Variants in ERI1 observed in about 807,000 individuals in gnomAD.
ERI1 encodes the protein exoribonuclease 1.
In ERI1, 39 loss-of-function variants were observed where a neutral mutation model predicts 39.7. The observed-to-expected ratio is 0.98, with a 90% CI of 0.76 to 1.28. The LOEUF (loss-of-function observed/expected upper bound fraction) is 1.28, where lower values mean the gene tolerates loss of function less well. Ranked by LOEUF, ERI1 falls within the 50% of genes most tolerant of loss-of-function variation. ERI1 has a pLI of 0.00. For missense variants in ERI1, 581 were observed against 416.9 expected (o/e 1.39, Z -3.43); for synonymous variants, 204 against 149.6 (o/e 1.36, Z -2.65).
chr8:9,017,156 CAGCCTCCCA>C (rs1817389010), intron 4 of ERI1, among the ~76,000 whole-genome samples: 1 of 152,170 alleles, frequency 6.6e-6, no homozygotes, highest in Non-Finnish European at 1.5e-5. Flanking sequence ...TCTCCTGCCT[CAGCCTCCCA>C]AGTAGCTGAG....
intron 1 of ERI1, among the ~76,000 whole-genome samples, chr8:9,003,766 A>G (rs1815637178): frequency 6.6e-6 from 1 of 152,250 alleles, no homozygotes; most frequent in African/African-American, 2.4e-5. Context: ...AAACTTATTT[A>G]ACGAATGTTA....
rs896320609 is a variant in ERI1, at chr8:9,032,847, C to G, written c.*2813C>G. 2 of 152,176 alleles carry G rather than the reference C, an allele frequency of 1.3e-5. No individual in the cohort carries two copies. Among genetic ancestry groups the G allele is most frequent in the African/African-American group, 4.8e-5 (2 of 41,442 alleles). 9.4% of individuals were successfully genotyped at this position (152,176 alleles called of 1,614,324 possible). On this transcript the variant is annotated 3_prime_UTR_variant, in exon 7 of 7. Coordinates refer to ENST00000250263, the MANE Select transcript of ERI1 (RefSeq NM_153332.4). ...TAGTTGCCAAAGAAACTACCTGCCT[C>G]ACAGATGAGCACGCACGGGTGCATT...
chr8:9,034,362 T>C (rs1482639104), downstream of ERI1, among the ~76,000 whole-genome samples: 7 of 152,228 alleles, frequency 4.6e-5, no homozygotes, highest in African/African-American at 1.7e-4. Flanking sequence ...TGTTTTGTTT[T>C]GTTTTTTAAC....
At position 9,004,485 on chromosome 8, in the gene ERI1, C is replaced by CTTTTTTTTTTT. The variant is rs71201904; in HGVS notation, c.108+1330_108+1340dup. 6.3e-4 allele frequency among the ~76,000 whole-genome samples: 49 copies of CTTTTTTTTTTT among 78,308 alleles called. 1 individual carries two copies. The highest frequency in any genetic ancestry group is 2.3e-3 in the African/African-American group (46 of 20,064). The allele number at this position is 78,308 out of a possible 152,430, so 51.4% of individuals were successfully genotyped here. A position where few individuals can be genotyped will look rare whatever the true frequency, so the allele number is the denominator to read the frequency against. ...CTGTTGCATGCTCTTTATAGTGATA[C>CTTTTTTTTTTT]TTTTTTTTTTTTTTTTTTTTTTTTT... On this transcript the variant is annotated intron_variant, in intron 1 of 6. Transcript: ENST00000250263.
chr8:9,058,815 T>A (rs892019870), intron 3 of ERI1, among the ~76,000 whole-genome samples: 17 of 150,086 alleles, frequency 1.1e-4, no homozygotes, highest in South Asian at 4.2e-4. Context: ...CCAAAAAAAA[T>A]AAATAAATAA....
intron 6 of ERI1, among the ~76,000 whole-genome samples, chr8:9,023,725 T>C (rs1818169309): frequency 6.6e-6 from 1 of 151,860 alleles, no homozygotes; most frequent in Non-Finnish European, 1.5e-5. Context: ...AAGTTTCTGC[T>C]GTATATAATG....
intron 3 of ERI1, among the ~76,000 whole-genome samples, chr8:9,083,955 G>A (rs7005811): frequency 0.05 from 7,554 of 152,096 alleles, 568 homozygotes; most frequent in African/African-American, 0.16. Flanking sequence ...CACCATGCCC[G>A]GCTAATTTTT....
At chr8:9,092,003 C>T (rs974756617) in intron 3 of ERI1, among the ~76,000 whole-genome samples, 11 of 152,242 alleles carry the variant, frequency 7.2e-5, no homozygotes, top group Non-Finnish European at 1.6e-4. Context: ...GTCACCCAGG[C>T]TGGAGTGCAG....
intron 3 of ERI1, among the ~76,000 whole-genome samples, chr8:9,090,887 G>T (rs985843466): frequency 6.6e-6 from 1 of 152,154 alleles, no homozygotes; most frequent in Non-Finnish European, 1.5e-5. Flanking sequence ...TCTGAGTGAT[G>T]AAATTTGGGG....
At chr8:9,028,254 A>G (rs1179060904) in intron 6 of ERI1, among the ~76,000 whole-genome samples, 4 of 152,206 alleles carry the variant, frequency 2.6e-5, no homozygotes, top group Admixed American at 6.5e-5. Flanking sequence ...CTTCCTAGGT[A>G]TAGGTCTATT....
intron 2 of ERI1, among the ~76,000 whole-genome samples, chr8:9,010,736 T>G (rs1021886664): frequency 1.3e-5 from 2 of 152,188 alleles, no homozygotes; most frequent in Non-Finnish European, 2.9e-5. Context: ...TGCAACTTAA[T>G]TTTTTGGAAA....
At chr8:9,047,880 C>T (rs146376386) in intron 3 of ERI1, among the ~76,000 whole-genome samples, 15 of 152,232 alleles carry the variant, frequency 9.9e-5, no homozygotes, top group African/African-American at 1.7e-4. Context: ...AGTGCACACA[C>T]GCCCACCAGG....
At chr8:9,026,906 C>G (rs962114449) in intron 6 of ERI1, among the ~76,000 whole-genome samples, 3 of 152,006 alleles carry the variant, frequency 2.0e-5, no homozygotes, top group Non-Finnish European at 4.4e-5. Flanking sequence ...TAAGTTACTT[C>G]CATGTTTTGG....
At chr8:9,049,719 T>A (rs900718526) in intron 3 of ERI1, 3 of 152,120 alleles carry the variant, frequency 2.0e-5, no homozygotes, top group African/African-American at 7.2e-5. Flanking sequence ...AGTATCAGAA[T>A]ACTAGGCATC....
At position 9,011,958 on chromosome 8, in the gene ERI1, C is replaced by T. The variant is rs113791596; in HGVS notation, c.498+206C>T. Among the ~76,000 whole-genome samples, 1,234 of 152,142 alleles carry T rather than the reference C, an allele frequency of 8.1e-3. 17 individuals carry two copies. The highest frequency in any genetic ancestry group is 0.028 in the African/African-American group (1,167 of 41,498). ...GACTACTGCTTTCTTTTTGCAGTAG[C>T]GGAAGTTAAAATGTTGTTTTCCATT... On this transcript the variant is annotated intron_variant, in intron 3 of 6. Transcript: ENST00000250263.
At chr8:9,037,524 C>G (rs1316321271), downstream of ERI1, among the ~76,000 whole-genome samples, 3 of 151,180 alleles carry the variant, frequency 2.0e-5, no homozygotes, top group East Asian at 5.8e-4. Context: ...GTTTCCCCAA[C>G]AGGAGTGTAA....
intron 3 of ERI1, among the ~76,000 whole-genome samples, chr8:9,065,432 A>G (rs1236112082): frequency 6.6e-6 from 1 of 152,150 alleles, no homozygotes. Flanking sequence ...GCAGTGGCTC[A>G]CACCTGTAAT....
chr8:9,014,346 C>T (rs1312890818), intron 3 of ERI1, among the ~76,000 whole-genome samples: 1 of 152,100 alleles, frequency 6.6e-6, no homozygotes, highest in Admixed American at 6.5e-5. Context: ...TTAAATCTTA[C>T]CTCTAAATAA....
chr8:9,037,285 G>A (rs906484076), downstream of ERI1, among the ~76,000 whole-genome samples: 1 of 152,128 alleles, frequency 6.6e-6, no homozygotes, highest in African/African-American at 2.4e-5. Flanking sequence ...GCGTTGAGTC[G>A]CATGTGCACC....
Sources: gnomAD v4.1 joint callset for allele counts (sites outside exome capture counted in the v4.1 genomes callset) on GRCh38, gnomAD v4.1.1 for gene constraint, MANE v1.5 for transcripts, NCBI Gene and HGNC (gene_info 2026-07-23, HGNC 2026-07-21) for gene names.